Variants in SLC22A2 observed in about 807,000 individuals in gnomAD.
The protein encoded by SLC22A2 is organic cation transporter 2.
A neutral mutation model predicts 60.5 loss-of-function variants in SLC22A2; 46 were observed. The observed-to-expected ratio is 0.76, with a 90% CI of 0.60 to 0.97. SLC22A2 has a LOEUF of 0.97. SLC22A2 is among the 50% of genes least tolerant of loss of function. The probability of loss-of-function intolerance (pLI) is 0.00; values close to 1 mark genes in which losing one functional copy is unlikely to be tolerated. For missense variants in SLC22A2, 701 were observed against 706.6 expected (o/e 0.99, Z 0.09); for synonymous variants, 303 against 267.0 (o/e 1.13, Z -1.31).
chr6:160,230,225 C>T (rs1413735043), intron 9 of SLC22A2, among the ~76,000 whole-genome samples: 1 of 151,894 alleles, frequency 6.6e-6, no homozygotes, highest in Admixed American at 6.5e-5. Context: ...CTCCTCACAC[C>T]CGGTCTGGTT....
At chr6:160,220,933 AC>A (rs1196692054) in intron 10 of SLC22A2, among the ~76,000 whole-genome samples, 1 of 152,026 alleles carries the variant, frequency 6.6e-6, no homozygotes, top group African/African-American at 2.4e-5. Flanking sequence ...ATTCTTAGGG[AC>A]CCTAGGGTTT....
chr6:160,258,802 G>A lies in SLC22A2; in HGVS notation c.-45C>T. ...CCCGAGGCTGCCCGACGTGCCCGGA[G>A]CGAGGCTGAGAGCGGCTGCAGCCAG... On this transcript the variant is annotated 5_prime_UTR_variant, in exon 1 of 11. Coordinates refer to ENST00000366953, the MANE Select transcript of SLC22A2 (RefSeq NM_003058.4). 6.7e-7 allele frequency: 1 copy of A among 1,501,150 alleles called. No individual in the cohort carries two copies. Among genetic ancestry groups the A allele is most frequent in the South Asian group, 1.4e-5 (1 of 73,856 alleles). 93.0% of individuals were successfully genotyped at this position (1,501,150 alleles called of 1,614,324 possible). A position where few individuals can be genotyped will look rare whatever the true frequency, so the allele number is the denominator to read the frequency against.
intron 7 of SLC22A2, among the ~76,000 whole-genome samples, chr6:160,243,070 C>T (rs913233873): frequency 6.6e-6 from 1 of 152,134 alleles, no homozygotes; most frequent in Non-Finnish European, 1.5e-5. Context: ...AGGATTCAAA[C>T]GAAGCTCCAT....
chr6:160,245,593 T>C (rs755973826), intron 5 of SLC22A2, 48 bp from the exon 6 acceptor site: 15 of 1,196,500 alleles, frequency 1.3e-5, no homozygotes, highest in Non-Finnish European at 1.8e-5. Context: ...AATGCTAGTG[T>C]CCCTGGGTCA....
At chr6:160,240,444 G>A (rs1390590071) in intron 9 of SLC22A2, among the ~76,000 whole-genome samples, 1 of 152,158 alleles carries the variant, frequency 6.6e-6, no homozygotes, top group East Asian at 1.9e-4. Flanking sequence ...GCAGACTTTA[G>A]TTTTAGAAGC....
At chr6:160,255,376 C>T (rs316007) in intron 2 of SLC22A2, among the ~76,000 whole-genome samples, 109,238 of 152,040 alleles carry the variant, frequency 0.72, 40,490 homozygotes, top group East Asian at 0.87. Context: ...ATTATTCATC[C>T]TTAACACATT....
chr6:160,231,468 C>A (rs1782822992), intron 9 of SLC22A2, among the ~76,000 whole-genome samples: 1 of 151,826 alleles, frequency 6.6e-6, no homozygotes, highest in Non-Finnish European at 1.5e-5. Flanking sequence ...ATCACCCTTA[C>A]CCTACTCAGC....
chr6:160,247,391 A>T, intron 4 of SLC22A2, 93 bp from the exon 5 acceptor site: 1 of 715,884 alleles, frequency 1.4e-6, no homozygotes, highest in Non-Finnish European at 2.5e-6. Context: ...GAGGATGTTA[A>T]TACAGTTGGA....
chr6:160,244,847 G>A (rs1783064644), intron 6 of SLC22A2: 1 of 152,230 alleles, frequency 6.6e-6, no homozygotes, highest in Admixed American at 6.5e-5. Context: ...ATGGCTTGAA[G>A]CTCTGAGAGC....
At chr6:160,255,747 T>C (rs1234749242) in intron 2 of SLC22A2, among the ~76,000 whole-genome samples, 1 of 152,204 alleles carries the variant, frequency 6.6e-6, no homozygotes, top group Non-Finnish European at 1.5e-5. Flanking sequence ...GTGTTATGAA[T>C]ATTAAATAAT....
rs745903343 is a variant in SLC22A2 at position 160,249,231 on chromosome 6, A to G, written c.827T>C (p.Phe276Ser). Residue 276 changes from phenylalanine (F) to serine (S), a missense_variant, in exon 4 of 11, where the codon TTC becomes TCC. By Grantham distance (155) the Phe-to-Ser change is radical. Transcript: ENST00000366953. ...QFTVSLPNFFFLLYYWCIPES... is the reference protein window; with the variant it reads ...QFTVSLPNFFSLLYYWCIPES... Reference sequence around the variant, plus strand: ...ATGGACTTACCAGTAATAGAGCAAGAAGAAGAAGTTGGGCAGAGAAACTGT... The same window carrying G: ...ATGGACTTACCAGTAATAGAGCAAGGAGAAGAAGTTGGGCAGAGAAACTGT... 9 of 1,600,174 alleles carry G rather than the reference A, an allele frequency of 5.6e-6. No individual in the cohort carries two copies. The East Asian group carries it at 2.0e-4, about 36-fold the overall frequency.
intron 4 of SLC22A2, among the ~76,000 whole-genome samples, chr6:160,247,645 T>G (rs906725291): frequency 3.9e-5 from 6 of 151,960 alleles, no homozygotes; most frequent in African/African-American, 7.3e-5. Context: ...TGCAAACCAT[T>G]GTGGGGGTGG....
At chr6:160,232,781 T>C (rs547662695) in intron 9 of SLC22A2, among the ~76,000 whole-genome samples, 2 of 151,930 alleles carry the variant, frequency 1.3e-5, no homozygotes, top group South Asian at 2.1e-4. Flanking sequence ...GCAGCTAGCA[T>C]TCCAACTTCT....
intron 9 of SLC22A2, among the ~76,000 whole-genome samples, chr6:160,238,183 T>C (rs1398469398): frequency 6.6e-6 from 1 of 152,216 alleles, no homozygotes; most frequent in Non-Finnish European, 1.5e-5. Flanking sequence ...AAGAACCCTC[T>C]CTTGGGGTCT....
At chr6:160,247,157 G>T (rs1270612639) in intron 5 of SLC22A2, 27 bp downstream of exon 5, 2 of 1,243,882 alleles carry the variant, frequency 1.6e-6, no homozygotes, top group Non-Finnish European at 2.3e-6. Flanking sequence ...TCCATCCCCT[G>T]ATTTGATACT....
chr6:160,236,943 A>G (rs960712336), intron 9 of SLC22A2, among the ~76,000 whole-genome samples: 1 of 152,250 alleles, frequency 6.6e-6, no homozygotes, highest in African/African-American at 2.4e-5. Flanking sequence ...TATGTGAAAA[A>G]TAATTATTTT....
At chr6:160,242,260 C>T (rs777422512) in intron 8 of SLC22A2, 34 bp downstream of exon 8, 25 of 1,133,366 alleles carry the variant, frequency 2.2e-5, no homozygotes, top group Non-Finnish European at 3.2e-5. Flanking sequence ...AAATGTCTCA[C>T]CCACCCTCGT....
At chr6:160,225,953 G>C (rs1395441386) in intron 9 of SLC22A2, among the ~76,000 whole-genome samples, 2 of 152,166 alleles carry the variant, frequency 1.3e-5, no homozygotes, top group Non-Finnish European at 1.5e-5. Context: ...TGACCACAGC[G>C]AAAGGAGACC....
chr6:160,234,487 G>A (rs1408911563), intron 9 of SLC22A2, among the ~76,000 whole-genome samples: 1 of 152,170 alleles, frequency 6.6e-6, no homozygotes, highest in Non-Finnish European at 1.5e-5. Flanking sequence ...AGGAGGAGCT[G>A]CCCCTGCCGC....
Sources: gnomAD v4.1 joint callset for allele counts (sites outside exome capture counted in the v4.1 genomes callset) on GRCh38, gnomAD v4.1.1 for gene constraint, MANE v1.5 for transcripts, NCBI Gene and HGNC (gene_info 2026-07-23, HGNC 2026-07-21) for gene names.